Variants in MCTP2 observed in about 807,000 individuals in gnomAD.
MCTP2 encodes multiple C2 and transmembrane domain-containing protein 2.
A neutral mutation model predicts 111.6 loss-of-function variants in MCTP2; 132 were observed. The ratio of observed to expected loss-of-function variants is 1.18; its 90% confidence interval spans 1.03 to 1.37. The LOEUF is 1.37. Among genes scored for constraint, MCTP2 ranks in the 40% most tolerant of loss-of-function variants. The pLI is 0.00. For missense variants in MCTP2, 1,183 were observed against 1,067.9 expected (o/e 1.11, Z -1.50); for synonymous variants, 395 against 387.7 (o/e 1.02, Z -0.22).
intron 1 of MCTP2, among the ~76,000 whole-genome samples, chr15:94,263,783 A>T (rs1407057861): frequency 6.6e-6 from 1 of 152,172 alleles, no homozygotes; most frequent in Non-Finnish European, 1.5e-5. Context: ...AGTGATTCAC[A>T]TTTTTTTGCA....
intron 13 of MCTP2, 91 bp downstream of exon 13, chr15:94,384,215 A>G: frequency 1.3e-6 from 1 of 774,900 alleles, no homozygotes; most frequent in Non-Finnish European, 2.2e-6. Flanking sequence ...TTTTATGGGC[A>G]AAGAGTAAAT....
intron 20 of MCTP2, among the ~76,000 whole-genome samples, chr15:94,458,710 A>G (rs1461775045): frequency 6.6e-6 from 1 of 152,198 alleles, no homozygotes; most frequent in Non-Finnish European, 1.5e-5. Flanking sequence ...TGTGAAGTTA[A>G]GTCACCACAT....
intron 17 of MCTP2, among the ~76,000 whole-genome samples, chr15:94,436,219 T>C (rs1391015939): frequency 1.3e-5 from 2 of 152,200 alleles, no homozygotes; most frequent in Non-Finnish European, 2.9e-5. Context: ...CATTGGAGTT[T>C]TACTCAGCTG....
intron 1 of MCTP2, among the ~76,000 whole-genome samples, chr15:94,249,803 A>G (rs2072282060): frequency 6.6e-6 from 1 of 152,052 alleles, no homozygotes; most frequent in South Asian, 2.1e-4. Context: ...TTTTTTAATA[A>G]CAGCTCTTCA....
intron 17 of MCTP2, among the ~76,000 whole-genome samples, chr15:94,430,359 T>TA (rs893631374): frequency 6.2e-4 from 90 of 144,314 alleles, no homozygotes; most frequent in Admixed American, 2.7e-3. Context: ...GCTGCCTTTT[T>TA]AAAAAAAAAC....
At chr15:94,444,968 C>G (rs554186088) in intron 19 of MCTP2, among the ~76,000 whole-genome samples, 1 of 152,270 alleles carries the variant, frequency 6.6e-6, no homozygotes, top group Admixed American at 6.5e-5. Context: ...ACATGGTATT[C>G]AGTGACTGGC....
At chr15:94,297,122 T>C (rs1221716434) in intron 1 of MCTP2, among the ~76,000 whole-genome samples, 3 of 152,204 alleles carry the variant, frequency 2.0e-5, no homozygotes, top group Non-Finnish European at 4.4e-5. Context: ...ACAGGCCAGG[T>C]CTCAGTGTCT....
intron 20 of MCTP2, among the ~76,000 whole-genome samples, chr15:94,460,275 G>A (rs895903421): frequency 2.0e-5 from 3 of 152,216 alleles, no homozygotes; most frequent in Non-Finnish European, 4.4e-5. Flanking sequence ...AATAGGAAGA[G>A]ATAGCTGGGC....
Position 94,298,698 on chromosome 15 carries a change from T to G in MCTP2, c.433T>G (p.Ser145Ala), listed in dbSNP as rs1177597768. The change falls in exon 2 of 23, where the codon TCC becomes GCC. Residue 145 changes from serine to alanine, a missense_variant. Physicochemically the swap from Ser to Ala is moderately conservative, Grantham distance 99. Coordinates refer to ENST00000357742, the MANE Select transcript of MCTP2 (RefSeq NM_001385001.1). ...SNGIFDLQKT[S>A]LGGDAPEEPE... ...CGGCATCTTTGATCTTCAGAAAACT[T>G]CCCTTGGAGGGGATGCACCAGAAGA... is the stretch of plus-strand genomic sequence containing the variant. 10 of 1,611,570 alleles carry G rather than the reference T, an allele frequency of 6.2e-6. No individual in the cohort carries two copies. The African/African-American group carries it at 1.3e-4, about 22-fold the overall frequency.
At chr15:94,287,818 C>T (rs532602912) in intron 1 of MCTP2, among the ~76,000 whole-genome samples, 9 of 152,238 alleles carry the variant, frequency 5.9e-5, no homozygotes, top group East Asian at 3.9e-4. Flanking sequence ...AATTATCCAG[C>T]GTGAATTTAA....
At position 94,470,456 on chromosome 15, in the gene MCTP2, G is replaced by A; in HGVS notation, c.2470+14G>A. On this transcript the variant is annotated intron_variant, in intron 21 of 22. Transcript: ENST00000357742. ...TTTTAATCTGGGGTAAGTTTGGAAT[G>A]GTCCTTTTGCTAGCAATCAATTCCA... 4 of 1,519,898 alleles carry A rather than the reference G, an allele frequency of 2.6e-6. No individual in the cohort carries two copies. Among genetic ancestry groups the A allele is most frequent in the Non-Finnish European group, 3.7e-6 (4 of 1,094,208 alleles). The allele number at this position is 1,519,898 out of a possible 1,614,324, so 94.2% of individuals were successfully genotyped here.
intron 4 of MCTP2, among the ~76,000 whole-genome samples, chr15:94,319,182 A>G (rs1345219141): frequency 4.6e-5 from 7 of 152,084 alleles, no homozygotes; most frequent in African/African-American, 7.2e-5. Flanking sequence ...TTTGATTATC[A>G]CAAGTATTAA....
At chr15:94,411,111 C>T (rs2082132931) in intron 17 of MCTP2, among the ~76,000 whole-genome samples, 1 of 152,100 alleles carries the variant, frequency 6.6e-6, no homozygotes, top group Admixed American at 6.5e-5. Flanking sequence ...TCATTTGTTT[C>T]TGTATGTGAC....
rs372870844 is a variant in MCTP2, at chr15:94,358,664, G to T, written c.1301+52G>T. 13 of 1,596,612 alleles carry T rather than the reference G, an allele frequency of 8.1e-6. No individual in the cohort carries two copies. The African/African-American group carries it at 1.7e-4, about 21-fold the overall frequency. The stretch of plus-strand genomic sequence containing the variant: ...GGGAGCATGTTTCTGCATGGGGCTG[G>T]TTCTGAGAGGTGATCTTTATCTGTT... On this transcript the variant is annotated intron_variant, in intron 10 of 22. Transcript: ENST00000357742.
chr15:94,434,693 G>C (rs187435779), intron 17 of MCTP2, among the ~76,000 whole-genome samples: 1 of 151,922 alleles, frequency 6.6e-6, no homozygotes, highest in Non-Finnish European at 1.5e-5. Context: ...TCTATTTCTG[G>C]ACTCTATCTT....
intron 17 of MCTP2, among the ~76,000 whole-genome samples, chr15:94,435,286 A>T (rs2083410703): frequency 6.6e-6 from 1 of 152,188 alleles, no homozygotes; most frequent in Non-Finnish European, 1.5e-5. Context: ...CCACTCCATG[A>T]ACTAGGCATA....
Position 94,340,842 on chromosome 15 carries a change from A to T in MCTP2, c.887A>T (p.Asp296Val), listed in dbSNP as rs758288509. The change falls in exon 7 of 23, where the codon GAT becomes GTT. Residue 296 changes from aspartate (D) to valine (V), a missense_variant. Asp to Val is a radical substitution (Grantham distance 152). Coordinates refer to ENST00000357742, the MANE Select transcript of MCTP2 (RefSeq NM_001385001.1). ...ACTGAACATATTTTAAAACTGGAAG[A>T]TCCAAACAGTTTAGAAGATGACATG... is the stretch of plus-strand genomic sequence containing the variant. ...RTTEHILKLE[D>V]PNSLEDDMGV... 39 of 1,611,824 alleles carry T rather than the reference A, an allele frequency of 2.4e-5. No homozygotes were observed. The highest frequency in any genetic ancestry group is 2.5e-5 in the Non-Finnish European group (30 of 1,178,706).
At chr15:94,356,448 G>T in intron 9 of MCTP2, 147 bp downstream of exon 9, 1 of 639,982 alleles carries the variant, frequency 1.6e-6, no homozygotes, top group Non-Finnish European at 2.4e-6. Context: ...CAAAATAATT[G>T]TATAGATGCA....
chr15:94,351,985 ATCCT>A (rs1248286128), intron 8 of MCTP2, among the ~76,000 whole-genome samples: 1 of 152,224 alleles, frequency 6.6e-6, no homozygotes, highest in Non-Finnish European at 1.5e-5. Context: ...TGACCTGTCC[ATCCT>A]TCCTCAGTTT....
Sources: gnomAD v4.1 joint callset for allele counts (sites outside exome capture counted in the v4.1 genomes callset) on GRCh38, gnomAD v4.1.1 for gene constraint, MANE v1.5 for transcripts, NCBI Gene and HGNC (gene_info 2026-07-23, HGNC 2026-07-21) for gene names.